The following REG4 variants were observed in gnomAD, a reference collection of about 807,000 sequenced individuals.
REG4 encodes the protein regenerating islet-derived protein 4.
In REG4, 16 loss-of-function variants were observed where a neutral mutation model predicts 22.3. The ratio of observed to expected loss-of-function variants is 0.72; its 90% CI spans 0.49 to 1.09. The LOEUF (loss-of-function observed/expected upper bound fraction) is 1.09, where lower values mean the gene tolerates loss of function less well. Ranked by LOEUF, REG4 falls within the 50% of genes least tolerant of loss-of-function variation. REG4 has a pLI of 0.00. For synonymous variants in REG4, 71 were observed against 69.2 expected, an observed-to-expected ratio of 1.03 and a Z score of -0.13; for missense variants, 214 against 193.9, an observed-to-expected ratio of 1.10 and a Z score of -0.61.
At chr1:119,810,000 C>T (rs1310460157) in intron 1 of REG4, among the ~76,000 whole-genome samples, 1 of 151,814 alleles carries the variant, frequency 6.6e-6, no homozygotes, top group Non-Finnish European at 1.5e-5. Context: ...TTTTCTATTT[C>T]ATTGTTTGTG....
At position 119,799,708 on chromosome 1, in the gene REG4, G is replaced by A; in HGVS notation, c.303+17C>T. 1.2e-6 allele frequency: 2 copies of A among 1,608,774 alleles called. No individual in the cohort carries two copies. Among genetic ancestry groups the A allele is most frequent in the Non-Finnish European group, 8.5e-7 (1 of 1,176,952 alleles). ...TGGCTTTCCCAAGAGGGCCTTTGTG[G>A]CCAAGTCTGAGGTTACCTTCTGTGG... On this transcript the variant is annotated intron_variant, in intron 4 of 5. Transcript: ENST00000256585.
intron 4 of REG4, 114 bp downstream of exon 4, chr1:119,799,611 T>G (rs1654037083): frequency 1.5e-6 from 2 of 1,362,456 alleles, no homozygotes; most frequent in Admixed American, 4.2e-5. Flanking sequence ...TGGAGGCACA[T>G]CTGGAGAAGA....
At chr1:119,794,707 T>C (rs1045774499) in intron 5 of REG4, 22 bp from the exon 6 acceptor site, 1 of 1,608,594 alleles carries the variant, frequency 6.2e-7, no homozygotes, top group Non-Finnish European at 8.5e-7. Context: ...TAAACAGATA[T>C]TTAAATCCAT....
chr1:119,806,518 C>T (rs192107290), intron 2 of REG4, among the ~76,000 whole-genome samples: 13 of 152,264 alleles, frequency 8.5e-5, no homozygotes, highest in African/African-American at 2.9e-4. Context: ...CAAGCACATT[C>T]GTTGAGATTA....
At position 119,799,712 on chromosome 1, in the gene REG4, A is replaced by T; in HGVS notation, c.303+13T>A. The T allele has an allele frequency of 6.2e-7, 1 of 1,612,118 alleles. No individual in the cohort carries two copies. Among genetic ancestry groups the T allele is most frequent in the Non-Finnish European group, 8.5e-7 (1 of 1,178,988 alleles). On this transcript the variant is annotated intron_variant, in intron 4 of 5. Coordinates refer to ENST00000256585, the MANE Select transcript of REG4 (RefSeq NM_032044.4). Reference sequence around the variant, plus strand: ...TTTCCCAAGAGGGCCTTTGTGGCCAAGTCTGAGGTTACCTTCTGTGGGTCG... The same window carrying T: ...TTTCCCAAGAGGGCCTTTGTGGCCATGTCTGAGGTTACCTTCTGTGGGTCG...
chr1:119,794,804 C>A, intron 5 of REG4, 119 bp from the exon 6 acceptor site: 1 of 853,698 alleles, frequency 1.2e-6, no homozygotes. Flanking sequence ...CTTTATGTGT[C>A]AACTTAGCTA....
intron 3 of REG4, among the ~76,000 whole-genome samples, chr1:119,800,495 C>T (rs1038676305): frequency 5.9e-5 from 9 of 152,140 alleles, no homozygotes; most frequent in Non-Finnish European, 1.2e-4. Context: ...TAACAGCAGC[C>T]TAAGTAGGTG....
In REG4 at chr1:119,794,378, G is replaced by T; in HGVS notation, c.*240C>A. ...GACTGCTCGAGACAGCCAGAGACAG[G>T]GGAGGAGGGAAGAAGGATACTGTGG... On this transcript the variant is annotated 3_prime_UTR_variant, in exon 6 of 6. Transcript: ENST00000256585. 1.6e-6 allele frequency: 1 copy of T among 610,948 alleles called. No homozygotes were observed. Among genetic ancestry groups the T allele is most frequent in the South Asian group, 1.9e-5 (1 of 53,910 alleles). 37.8% of individuals were successfully genotyped at this position (610,948 alleles called of 1,614,324 possible). A position where few individuals can be genotyped will look rare whatever the true frequency, so the allele number is the denominator to read the frequency against.
intron 2 of REG4, among the ~76,000 whole-genome samples, chr1:119,804,296 T>C (rs1654220376): frequency 6.6e-6 from 1 of 152,186 alleles, no homozygotes; most frequent in Non-Finnish European, 1.5e-5. Context: ...CCCCTGCCTA[T>C]GCATCTCCCA....
chr1:119,798,465 G>A, intron 5 of REG4, 32 bp downstream of exon 5: 1 of 1,542,718 alleles, frequency 6.5e-7, no homozygotes, highest in East Asian at 2.2e-5. Flanking sequence ...TGCGCATTGG[G>A]AAGTGGTGAG....
At chr1:119,794,722 T>A (rs750226448) in intron 5 of REG4, 37 bp from the exon 6 acceptor site, 10 of 1,577,320 alleles carry the variant, frequency 6.3e-6, no homozygotes, top group Middle Eastern at 1.7e-4. Flanking sequence ...ATCCATTCAG[T>A]ACTATACTGA....
chr1:119,798,332 G>A (rs1229336004), intron 5 of REG4, among the ~76,000 whole-genome samples, 165 bp downstream of exon 5: 1 of 152,248 alleles, frequency 6.6e-6, no homozygotes, highest in Non-Finnish European at 1.5e-5. Flanking sequence ...AGGACTGAAT[G>A]TTGGTAACCA....
In REG4 at chr1:119,794,572, A is replaced by AAGAGG. The variant is rs1268146349; in HGVS notation, c.*41_*45dup. Reference sequence around the variant, plus strand: ...AGATTTAGCCAGGCTAGCAGAAAGGAAGAGGACGGGGCTGTGCAGGAGTTA... The same window carrying AAGAGG: ...AGATTTAGCCAGGCTAGCAGAAAGGAAGAGGAGAGGACGGGGCTGTGCAGGAGTTA... On this transcript the variant is annotated 3_prime_UTR_variant, in exon 6 of 6. Transcript: ENST00000256585. 6.5e-7 allele frequency: 1 copy of AAGAGG among 1,530,362 alleles called. No individual in the cohort carries two copies. 94.8% of individuals were successfully genotyped at this position (1,530,362 alleles called of 1,614,324 possible).
chr1:119,810,237 G>A (rs973904077), intron 1 of REG4, among the ~76,000 whole-genome samples: 1 of 152,022 alleles, frequency 6.6e-6, no homozygotes, highest in Non-Finnish European at 1.5e-5. Context: ...ATTTATCACT[G>A]TTCTATTTTC....
intron 2 of REG4, among the ~76,000 whole-genome samples, chr1:119,808,017 G>A (rs1290230004): frequency 2.0e-5 from 3 of 152,212 alleles, no homozygotes; most frequent in South Asian, 2.1e-4. Context: ...AGAAGCCCAA[G>A]CATCACTTAA....
intron 3 of REG4, 125 bp from the exon 4 acceptor site, chr1:119,799,987 C>T: frequency 8.0e-7 from 1 of 1,243,428 alleles, no homozygotes; most frequent in East Asian, 2.4e-5. Flanking sequence ...ACATCGTGCT[C>T]TAAGCCCCAC....
intron 3 of REG4, chr1:119,801,028 C>T (rs1284179838): frequency 6.6e-6 from 1 of 152,166 alleles, no homozygotes; most frequent in Non-Finnish European, 1.5e-5. Context: ...TATCCAAGGC[C>T]ATGCAATCTG....
At chr1:119,806,446 A>C (rs749404427) in intron 2 of REG4, among the ~76,000 whole-genome samples, 1 of 152,170 alleles carries the variant, frequency 6.6e-6, no homozygotes, top group Non-Finnish European at 1.5e-5. Context: ...AGACAGTCTG[A>C]CTCCAAGTCT....
chr1:119,806,254 T>C (rs1207569080), intron 2 of REG4, among the ~76,000 whole-genome samples: 5 of 152,128 alleles, frequency 3.3e-5, no homozygotes, highest in African/African-American at 1.2e-4. Flanking sequence ...ACTCCACACA[T>C]TTATTGAGCA....
Sources: allele counts gnomAD v4.1 joint callset (sites outside exome capture counted in the v4.1 genomes callset), GRCh38; gene constraint gnomAD v4.1.1; transcripts MANE v1.5; gene names NCBI Gene and HGNC (gene_info 2026-07-23, HGNC 2026-07-21).